The following TBXAS1 variants were observed in gnomAD, a reference collection of about 807,000 sequenced individuals.
The protein encoded by TBXAS1 is thromboxane-A synthase.
In TBXAS1, 48 loss-of-function variants were observed where a neutral mutation model predicts 60.7. The ratio of observed to expected loss-of-function variants is 0.79; its 90% CI spans 0.63 to 1.01. The LOEUF is 1.01. TBXAS1 is among the 50% of genes least tolerant of loss of function. The pLI is 0.00. For missense variants in TBXAS1, 685 were observed against 686.3 expected, an observed-to-expected ratio of 1.00 and a Z score of 0.02; for synonymous variants, 287 against 269.7, an observed-to-expected ratio of 1.06 and a Z score of -0.63.
rs1052669674 is a variant in TBXAS1, at chr7:139,934,725, T to A, written c.334-1466T>A. Among the ~76,000 whole-genome samples, 5 of 152,336 alleles carry A rather than the reference T, an allele frequency of 3.3e-5. No homozygotes were observed. In the East Asian group the frequency reaches 9.6e-4, roughly 29 times the overall value. On this transcript the variant is annotated intron_variant, in intron 4 of 12. Transcript: ENST00000448866. Reference sequence around the variant, plus strand: ...CCCTATATCCTCACATGGTCTTCCCTTTGTGTGTGTCTGTGTCCCAATCTC... The same window carrying A: ...CCCTATATCCTCACATGGTCTTCCCATTGTGTGTGTCTGTGTCCCAATCTC...
At chr7:139,906,070 C>CTTTTTT in intron 3 of TBXAS1, 1 of 356,930 alleles carries the variant, frequency 2.8e-6, no homozygotes, top group Non-Finnish European at 5.5e-6. Flanking sequence ...ACTCTAGCAT[C>CTTTTTT]TTTTTTTTTT....
At chr7:139,914,640 A>C (rs1248370810) in intron 4 of TBXAS1, among the ~76,000 whole-genome samples, 1 of 152,110 alleles carries the variant, frequency 6.6e-6, no homozygotes, top group African/African-American at 2.4e-5. Context: ...CTGTTCTTCA[A>C]GACACTCCTC....
At chr7:139,952,569 C>A in intron 5 of TBXAS1, 1 of 1,537,106 alleles carries the variant, frequency 6.5e-7, no homozygotes, top group Non-Finnish European at 8.7e-7. Flanking sequence ...TTTAATCATG[C>A]AAGAGAGAAT....
At chr7:139,951,238 A>G (rs1024036676) in intron 5 of TBXAS1, among the ~76,000 whole-genome samples, 5 of 152,204 alleles carry the variant, frequency 3.3e-5, no homozygotes, top group Non-Finnish European at 7.3e-5. Flanking sequence ...CTGAACCTCA[A>G]TATTTGCCTG....
chr7:139,933,841 G>C (rs888279295), intron 4 of TBXAS1, among the ~76,000 whole-genome samples: 1 of 138,562 alleles, frequency 7.2e-6, no homozygotes, highest in Non-Finnish European at 1.5e-5. Flanking sequence ...TCCCCCAACC[G>C]CCTGTCTCCC....
At chr7:139,855,720 A>G (rs561057791) in intron 1 of TBXAS1, among the ~76,000 whole-genome samples, 101 of 152,286 alleles carry the variant, frequency 6.6e-4, no homozygotes, top group African/African-American at 2.2e-3. Flanking sequence ...ATTTGGAGCC[A>G]TACACTGGGA....
In TBXAS1 at chr7:139,926,620, C is replaced by T. The variant is rs142048708; in HGVS notation, c.334-9571C>T. ...ATCTTTTGTATTGTTTCCTTCATTT[C>T]AATTTCATTTATTTCTGCTGTGATC... is the stretch of plus-strand genomic sequence containing the variant. On this transcript the variant is annotated intron_variant, in intron 4 of 12. Coordinates refer to ENST00000448866, the MANE Select transcript of TBXAS1 (RefSeq NM_001061.7). Among the ~76,000 whole-genome samples, 990 of 138,106 alleles carry T rather than the reference C, an allele frequency of 7.2e-3. 12 individuals carry two copies. The highest frequency in any genetic ancestry group is 0.029 in the African/African-American group (947 of 32,128). The allele number at this position is 138,106 out of a possible 152,430, so 90.6% of individuals were successfully genotyped here.
intron 1 of TBXAS1, among the ~76,000 whole-genome samples, chr7:139,779,036 T>G (rs1192968483): frequency 6.6e-6 from 1 of 152,216 alleles, no homozygotes; most frequent in Admixed American, 6.5e-5. Context: ...TTGCCCTTAG[T>G]AAGGGCAACT....
At chr7:139,791,803 G>GTTTTT (rs1554464060) in intron 4 of TBXAS1, among the ~76,000 whole-genome samples, 1 of 76,010 alleles carries the variant, frequency 1.3e-5, no homozygotes, top group Non-Finnish European at 2.4e-5. Flanking sequence ...TCTTTGGAAT[G>GTTTTT]TTTTGTTTTT....
At chr7:139,891,066 A>G (rs1803566023) in intron 3 of TBXAS1, among the ~76,000 whole-genome samples, 1 of 151,774 alleles carries the variant, frequency 6.6e-6, no homozygotes, top group African/African-American at 2.4e-5. Context: ...GCTGCTTCCC[A>G]TGGCTGCCTG....
intron 1 of TBXAS1, among the ~76,000 whole-genome samples, chr7:139,841,482 C>CTTTTTTTTTTTT (rs5887936): frequency 6.8e-6 from 1 of 146,416 alleles, no homozygotes. Flanking sequence ...ATCTATTTCC[C>CTTTTTTTTTTTT]TTTTTTTTTT....
At chr7:139,887,376 T>G (rs1402036404) in intron 3 of TBXAS1, among the ~76,000 whole-genome samples, 1 of 152,180 alleles carries the variant, frequency 6.6e-6, no homozygotes, top group Non-Finnish European at 1.5e-5. Flanking sequence ...CATCCAGAAT[T>G]TTTTTCATCT....
At chr7:139,849,820 T>C (rs1217653677) in intron 1 of TBXAS1, among the ~76,000 whole-genome samples, 1 of 152,220 alleles carries the variant, frequency 6.6e-6, no homozygotes, top group African/African-American at 2.4e-5. Context: ...TGTCCTGAAA[T>C]ACAGCAACCA....
intron 1 of TBXAS1, among the ~76,000 whole-genome samples, chr7:139,843,981 G>A (rs28377901): frequency 0.067 from 10,254 of 152,250 alleles, 1,137 homozygotes; most frequent in African/African-American, 0.23. Flanking sequence ...TCATGCAATC[G>A]TCGAATGCTG....
chr7:139,902,723 C>G (rs1804676708), intron 3 of TBXAS1, among the ~76,000 whole-genome samples: 1 of 152,154 alleles, frequency 6.6e-6, no homozygotes, highest in Admixed American at 6.5e-5. Context: ...ACATCAGCAA[C>G]TTATAAATGA....
At chr7:139,897,201 C>A (rs951153745) in intron 3 of TBXAS1, among the ~76,000 whole-genome samples, 1 of 151,998 alleles carries the variant, frequency 6.6e-6, no homozygotes, top group Non-Finnish European at 1.5e-5. Context: ...ACTAGAGAAC[C>A]ACTAGGAGTC....
At chr7:139,965,393 C>T (rs1055564273) in intron 9 of TBXAS1, among the ~76,000 whole-genome samples, 1 of 152,144 alleles carries the variant, frequency 6.6e-6, no homozygotes, top group African/African-American at 2.4e-5. Flanking sequence ...CTCAGGGGTT[C>T]CGATTCCATA....
intron 3 of TBXAS1, among the ~76,000 whole-genome samples, chr7:139,878,055 T>C (rs1056114360): frequency 1.3e-5 from 2 of 151,828 alleles, no homozygotes; most frequent in African/African-American, 4.8e-5. Flanking sequence ...AAATAATTTG[T>C]AAATGCCAAA....
chr7:139,987,257 G>C (rs1585012791), intron 9 of TBXAS1, among the ~76,000 whole-genome samples: 1 of 152,156 alleles, frequency 6.6e-6, no homozygotes, highest in African/African-American at 2.4e-5. Context: ...GAACCATTGG[G>C]AATAGAAAAG....
Sources: gnomAD v4.1 joint callset for allele counts (sites outside exome capture counted in the v4.1 genomes callset) on GRCh38, gnomAD v4.1.1 for gene constraint, MANE v1.5 for transcripts, NCBI Gene and HGNC (gene_info 2026-07-23, HGNC 2026-07-21) for gene names.